The following POU2F2 variants were observed in gnomAD, a reference collection of about 807,000 sequenced individuals.
The protein encoded by POU2F2 is POU class 2 homeobox 2, also known as POU domain, class 2, transcription factor 2.
POU2F2 carries 14 observed loss-of-function variants against 63.5 expected under a neutral mutation model. The ratio of observed to expected loss-of-function variants is 0.22; its 90% confidence interval spans 0.15 to 0.34. The LOEUF (loss-of-function observed/expected upper bound fraction) is 0.34, where lower values mean the gene tolerates loss of function less well. Ranked by LOEUF, POU2F2 falls within the 10% of genes least tolerant of loss-of-function variation. The probability of loss-of-function intolerance (pLI) is 1.00; values close to 1 mark genes in which losing one functional copy is unlikely to be tolerated. For synonymous variants in POU2F2, 306 were observed against 348.6 expected, an observed-to-expected ratio of 0.88 and a Z score of 1.36; for missense variants, 607 against 815.2, an observed-to-expected ratio of 0.74 and a Z score of 3.11.
At chr19:42,109,595 A>G (rs2030739880) in intron 5 of POU2F2, among the ~76,000 whole-genome samples, 1 of 152,222 alleles carries the variant, frequency 6.6e-6, no homozygotes, top group Admixed American at 6.5e-5. Flanking sequence ...GACTACTGCT[A>G]ATAATGTACT....
chr19:42,163,685 C>T (rs1300439764), intron 1 of POU2F2, among the ~76,000 whole-genome samples: 1 of 152,220 alleles, frequency 6.6e-6, no homozygotes. Flanking sequence ...CGGCTCCCCT[C>T]TGACTGTGCC....
At chr19:42,160,987 C>A (rs1371927910) in intron 1 of POU2F2, among the ~76,000 whole-genome samples, 1 of 152,168 alleles carries the variant, frequency 6.6e-6, no homozygotes, top group Non-Finnish European at 1.5e-5. Context: ...ATTGAGATTT[C>A]TCTGGCTCTG....
chr19:42,111,799 C>T (rs1266200188), intron 5 of POU2F2, among the ~76,000 whole-genome samples: 1 of 152,174 alleles, frequency 6.6e-6, no homozygotes, highest in Non-Finnish European at 1.5e-5. Flanking sequence ...CTTTTCTACT[C>T]TTATCCCCTG....
Position 42,096,340 on chromosome 19 carries a change from C to T in POU2F2, c.568-97G>A. The T allele has an allele frequency of 3.9e-6, 5 of 1,282,424 alleles. No individual in the cohort carries two copies. The highest frequency in any genetic ancestry group is 5.2e-6 in the Non-Finnish European group (5 of 957,154). 79.4% of individuals were successfully genotyped at this position (1,282,424 alleles called of 1,614,324 possible). A position where few individuals can be genotyped will look rare whatever the true frequency, so the allele number is the denominator to read the frequency against. On this transcript the variant is annotated intron_variant, in intron 7 of 14. Coordinates refer to ENST00000692977, the MANE Select transcript of POU2F2 (RefSeq NM_001394376.1). The surrounding 1 kb of genome is among the most constrained non-coding windows in gnomAD (Gnocchi z 4.1). ...CCCCCTCCCGCCCTCTTCGCCCCTG[C>T]GTTCCATCCGCCGCCTGCAGACTCC...
At position 42,092,907 on chromosome 19, in the gene POU2F2, C is replaced by T. The variant is rs953455796; in HGVS notation, c.1265-637G>A. ...AAATCTCCACTTACTATTTTCTAGC[C>T]TGGGGAGGGGCAACGTGTTGTTTTA... On this transcript the variant is annotated intron_variant, in intron 12 of 14. Coordinates refer to ENST00000692977, the MANE Select transcript of POU2F2 (RefSeq NM_001394376.1). The surrounding 1 kb of genome is among the most constrained non-coding windows in gnomAD (Gnocchi z 5.0). Among the ~76,000 whole-genome samples, 3 of 150,514 alleles carry T rather than the reference C, an allele frequency of 2.0e-5. No individual in the cohort carries two copies. Among genetic ancestry groups the T allele is most frequent in the African/African-American group, 7.4e-5 (3 of 40,772 alleles).
chr19:42,164,419 T>A (rs574986185), intron 1 of POU2F2, among the ~76,000 whole-genome samples: 1 of 149,328 alleles, frequency 6.7e-6, no homozygotes, highest in Non-Finnish European at 1.5e-5. Context: ...AATACAAAAA[T>A]AGTTAGCTAG....
intron 5 of POU2F2, among the ~76,000 whole-genome samples, chr19:42,106,000 T>C (rs749973121): frequency 2.3e-4 from 3 of 13,078 alleles, no homozygotes; most frequent in South Asian, 1.9e-3. Flanking sequence ...ATCTTTCTTT[T>C]TTCTTTCTTT....
chr19:42,180,316 A>G (rs1341214488), upstream of POU2F2, among the ~76,000 whole-genome samples: 1 of 152,242 alleles, frequency 6.6e-6, no homozygotes, highest in Admixed American at 6.5e-5. Context: ...AACTGAACAT[A>G]AGAAACACCC....
At chr19:42,173,393 C>G (rs2034809257) in intron 1 of POU2F2, among the ~76,000 whole-genome samples, 2 of 152,068 alleles carry the variant, frequency 1.3e-5, no homozygotes, top group Non-Finnish European at 2.9e-5. Flanking sequence ...GATTATGCAC[C>G]AGGGCTATGA....
chr19:42,176,507 C>A (rs1229351391), upstream of POU2F2, among the ~76,000 whole-genome samples: 1 of 152,092 alleles, frequency 6.6e-6, no homozygotes, highest in African/African-American at 2.4e-5. Context: ...TCCGCTCCTC[C>A]GTCCTTTCAG....
At chr19:42,144,516 C>T (rs1327063923) in intron 2 of POU2F2, among the ~76,000 whole-genome samples, 1 of 152,230 alleles carries the variant, frequency 6.6e-6, no homozygotes, top group Non-Finnish European at 1.5e-5. Context: ...AGGGAGGGCC[C>T]ACTGTGCCAG....
chr19:42,193,099 G>A (rs373168436), intron 1 of POU2F2, among the ~76,000 whole-genome samples: 3 of 151,134 alleles, frequency 2.0e-5, no homozygotes, highest in African/African-American at 7.3e-5. Flanking sequence ...GGTGGTGGGC[G>A]ACTGTAGTCC....
intron 1 of POU2F2, among the ~76,000 whole-genome samples, chr19:42,173,958 C>T (rs2034820973): frequency 1.3e-5 from 2 of 152,170 alleles, no homozygotes; most frequent in Admixed American, 6.5e-5. Context: ...TCCTGGCCTG[C>T]CTGTCACCCC....
At chr19:42,110,995 C>G (rs2030995655) in intron 5 of POU2F2, among the ~76,000 whole-genome samples, 1 of 152,216 alleles carries the variant, frequency 6.6e-6, no homozygotes, top group Non-Finnish European at 1.5e-5. Context: ...TCAAAATGAG[C>G]ATTTGCTACC....
At chr19:42,177,677 GAC>G (rs2034911978), upstream of POU2F2, among the ~76,000 whole-genome samples, 3 of 150,318 alleles carry the variant, frequency 2.0e-5, no homozygotes, top group Admixed American at 2.0e-4. Context: ...GACACACAGA[GAC>G]ACAGAGACAC....
At chr19:42,105,745 C>A (rs763441366) in intron 5 of POU2F2, among the ~76,000 whole-genome samples, 1 of 152,144 alleles carries the variant, frequency 6.6e-6, no homozygotes, top group African/African-American at 2.4e-5. Flanking sequence ...CCCATCCATC[C>A]AATCCATCTG....
upstream of POU2F2, chr19:42,177,205 G>C (rs1020690819): frequency 2.0e-5 from 3 of 152,776 alleles, no homozygotes; most frequent in Admixed American, 6.5e-5. Context: ...TCAGCTGCAC[G>C]GCTCCGAGGG....
Position 42,090,771 on chromosome 19 carries a change from TCTC to T in POU2F2, c.*483_*485del, listed in dbSNP as rs1437277361. Reference sequence around the variant, plus strand: ...GGCTGGGATTAGGAAGCTGGCATCTTCTCTTTTTCCTTCTGTAGCCCCCACGGG... The same window carrying T: ...GGCTGGGATTAGGAAGCTGGCATCTTTTTTTCCTTCTGTAGCCCCCACGGG... On this transcript the variant is annotated 3_prime_UTR_variant, in exon 15 of 15. Transcript: ENST00000692977. This position sits in a 1 kb window ranked among gnomAD's most constrained non-coding sequence, Gnocchi z 4.4. 2 of 153,982 alleles carry T rather than the reference TCTC, an allele frequency of 1.3e-5. No individual in the cohort carries two copies. Among genetic ancestry groups the T allele is most frequent in the African/African-American group, 4.8e-5 (2 of 41,512 alleles). 9.5% of individuals were successfully genotyped at this position (153,982 alleles called of 1,614,324 possible).
chr19:42,172,331 G>C (rs1056038813), intron 1 of POU2F2, among the ~76,000 whole-genome samples: 3 of 152,148 alleles, frequency 2.0e-5, no homozygotes, highest in Non-Finnish European at 4.4e-5. Context: ...TTGGCCCATG[G>C]TCAGTGCCTA....
Sources: gnomAD v4.1 joint callset for allele counts (sites outside exome capture counted in the v4.1 genomes callset) on GRCh38, gnomAD v4.1.1 for gene constraint, Gnocchi (gnomAD v3.1) non-coding constraint, MANE v1.5 for transcripts, NCBI Gene and HGNC (gene_info 2026-07-23, HGNC 2026-07-21) for gene names.